NOMO1: variants seen among roughly 807,000 people sequenced by gnomAD.
The protein encoded by NOMO1 is NODAL modulator 1.
NOMO1 carries 40 observed loss-of-function variants against 133.8 expected under a neutral mutation model. The ratio of observed to expected loss-of-function variants is 0.30; its 90% confidence interval spans 0.23 to 0.39. The LOEUF is 0.39. NOMO1 is among the 10% of genes least tolerant of loss of function. The pLI, the probability that NOMO1 is intolerant of heterozygous loss-of-function variation, is 1.00. For missense variants in NOMO1, 462 were observed against 1,419.9 expected (o/e 0.33, Z 10.84); for synonymous variants, 236 against 570.5 (o/e 0.41, Z 8.36).
At chr16:14,839,108 G>A (rs1361749345) in intron 2 of NOMO1, among the ~76,000 whole-genome samples, 2 of 151,374 alleles carry the variant, frequency 1.3e-5, no homozygotes, top group African/African-American at 2.4e-5. Context: ...AGGCTGGAGT[G>A]CAGTGGTGTG....
intron 26 of NOMO1, among the ~76,000 whole-genome samples, chr16:14,883,612 A>G (rs1252372905): frequency 6.6e-6 from 1 of 151,614 alleles, no homozygotes; most frequent in Non-Finnish European, 1.5e-5. Context: ...GATTACAGGC[A>G]TGAGCCACCG....
intron 26 of NOMO1, among the ~76,000 whole-genome samples, chr16:14,883,650 C>T (rs1282486686): frequency 1.3e-5 from 2 of 151,272 alleles, no homozygotes; most frequent in Non-Finnish European, 2.9e-5. Flanking sequence ...ATTTCCTTGA[C>T]GTCTTTACGG....
chr16:14,837,414 G>GA (rs201655825), intron 1 of NOMO1, among the ~76,000 whole-genome samples: 3,674 of 152,002 alleles, frequency 0.024, 2 homozygotes, highest in African/African-American at 0.084. Context: ...GTCTACATCT[G>GA]AAGAAACCGA....
intron 4 of NOMO1, among the ~76,000 whole-genome samples, chr16:14,845,125 G>T (rs1348873863): frequency 6.6e-6 from 1 of 151,764 alleles, no homozygotes; most frequent in Non-Finnish European, 1.5e-5. Flanking sequence ...AGGTTCAAGT[G>T]ATTCTCCTGC....
intron 15 of NOMO1, among the ~76,000 whole-genome samples, chr16:14,868,307 A>G (rs1038148645): frequency 6.7e-5 from 8 of 118,710 alleles, no homozygotes; most frequent in Non-Finnish European, 1.4e-4. Flanking sequence ...CATGGTCATG[A>G]CTCCCAAGGC....
chr16:14,837,041 A>AG (rs1164643324), intron 1 of NOMO1, among the ~76,000 whole-genome samples: 5 of 151,710 alleles, frequency 3.3e-5, no homozygotes, highest in African/African-American at 1.2e-4. Flanking sequence ...ATTTTGAGGC[A>AG]GGGTCTCACA....
In NOMO1 at chr16:14,849,519, C is replaced by T. The variant is rs1461138174; in HGVS notation, c.582+548C>T. The stretch of plus-strand genomic sequence containing the variant: ...AGAGCTACATATATCAATGTAACTA[C>T]ATTTAAAAACAGAGTTGAAGGAAAT... On this transcript the variant is annotated intron_variant, in intron 6 of 30. Transcript: ENST00000287667. Among the ~76,000 whole-genome samples the T allele has an allele frequency of 1.4e-4, 12 of 84,278 alleles. 1 individual carries two copies. In the South Asian group the frequency reaches 5.7e-3, roughly 40 times the overall value. The allele number at this position is 84,278 out of a possible 152,430, so 55.3% of individuals were successfully genotyped here. A position where few individuals can be genotyped will look rare whatever the true frequency, so the allele number is the denominator to read the frequency against.
At position 14,857,538 on chromosome 16, in the gene NOMO1, A is replaced by C. The variant is rs1243491546; in HGVS notation, c.1103A>C (p.Glu368Ala). ...AAAGCTGATGGCTCATTCCGCCTTG[A>C]GAACATAACCACAGGGACATACACC... Reference protein sequence around the residue: ...KTKADGSFRLENITTGTYTIH... With the variant: ...KTKADGSFRLANITTGTYTIH... The change falls in exon 11 of 31, where the codon GAG becomes GCG. Residue 368 changes from glutamate (E) to alanine (A), a missense_variant. Physicochemically the swap from Glu to Ala is moderately radical, Grantham distance 107 (BLOSUM62 -1). Coordinates refer to ENST00000287667, the MANE Select transcript of NOMO1 (RefSeq NM_014287.4). 6.2e-7 allele frequency: 1 copy of C among 1,610,588 alleles called. No individual in the cohort carries two copies. Among genetic ancestry groups the C allele is most frequent in the African/African-American group, 1.4e-5 (1 of 73,970 alleles).
Position 14,895,514 on chromosome 16 carries a change from C to G in NOMO1, c.3538C>G (p.Leu1180Val), listed in dbSNP as rs1215915065. Reference sequence around the variant, plus strand: ...CTCTCACACTTTCTCTCTTTTCTAGCTCATTCCTTTGCTGCTGCAGTTGAC... The same window carrying G: ...CTCTCACACTTTCTCTCTTTTCTAGGTCATTCCTTTGCTGCTGCAGTTGAC... ...VLLAGYNHDK[L>V]IPLLLQLTSR... Residue 1180 changes from leucine (L) to valine (V), a missense_variant and splice_region_variant, in exon 31 of 31, where the codon CTC (leucine) becomes GTC (valine). Leu to Val is a conservative substitution (Grantham distance 32, BLOSUM62 1). Transcript: ENST00000287667. 1 of 1,611,788 alleles carries G rather than the reference C, an allele frequency of 6.2e-7. No homozygotes were observed. The highest frequency in any genetic ancestry group is 8.5e-7 in the Non-Finnish European group (1 of 1,179,878).
At position 14,864,669 on chromosome 16, in the gene NOMO1, A is replaced by G. The variant is rs1224260590; in HGVS notation, c.1480A>G (p.Met494Val). Residue 494 changes from methionine to valine, a missense_variant, in exon 13 of 31, where the codon ATG becomes GTG. By Grantham distance (21) the Met-to-Val change is conservative. Transcript: ENST00000287667. ...TCTTACTGTGACCAACAGGCCCATGATGGATGTGGCCTTTGTACAGTTCTT... is the reference window on the plus strand; with the variant it reads ...TCTTACTGTGACCAACAGGCCCATGGTGGATGTGGCCTTTGTACAGTTCTT... Reference protein sequence around the residue: ...FPLTVTNRPMMDVAFVQFLAS... With the variant: ...FPLTVTNRPMVDVAFVQFLAS... The G allele has an allele frequency of 1.9e-6, 3 of 1,612,846 alleles. No homozygotes were observed. The highest frequency in any genetic ancestry group is 2.5e-6 in the Non-Finnish European group (3 of 1,179,668).
chr16:14,886,643 C>T (rs1399295127), intron 27 of NOMO1, 118 bp from the exon 28 acceptor site: 1 of 1,542,710 alleles, frequency 6.5e-7, no homozygotes, highest in Non-Finnish European at 8.9e-7. Context: ...CTTTCTTTTT[C>T]AAATATCCAT....
chr16:14,853,904 G>T (rs1213768102), intron 8 of NOMO1, 33 bp from the exon 9 acceptor site: 3 of 1,610,882 alleles, frequency 1.9e-6, no homozygotes, highest in Non-Finnish European at 1.7e-6. Flanking sequence ...TCATGTTAGT[G>T]GTTCTTAGTG....
intron 11 of NOMO1, among the ~76,000 whole-genome samples, chr16:14,859,605 A>G (rs948107481): frequency 9.2e-5 from 14 of 152,026 alleles, no homozygotes; most frequent in African/African-American, 2.7e-4. Context: ...GATTGAGCCC[A>G]GGAGTTTGAG....
intron 14 of NOMO1, among the ~76,000 whole-genome samples, chr16:14,865,681 CA>C (rs1963984525): frequency 7.4e-6 from 1 of 134,368 alleles, no homozygotes; most frequent in Admixed American, 7.5e-5. Flanking sequence ...CTTAAGAAGC[CA>C]CTTCTTGCCT....
intron 29 of NOMO1, among the ~76,000 whole-genome samples, chr16:14,892,797 A>G (rs1293738617): frequency 4.0e-5 from 6 of 149,888 alleles, no homozygotes. Context: ...AGATTGAGTC[A>G]CTTACTGAGT....
rs1371329631 is a variant in NOMO1, at chr16:14,864,665, C to T, written c.1476C>T (p.Pro492=). The change falls in exon 13 of 31, where the codon CCC becomes CCT. Residue 492 remains proline, a synonymous_variant. Transcript: ENST00000287667. ...TTCCTCTTACTGTGACCAACAGGCC[C>T]ATGATGGATGTGGCCTTTGTACAGT... ...QTFPLTVTNR[P]MMDVAFVQFL... 2.6e-5 allele frequency: 42 copies of T among 1,611,820 alleles called. No homozygotes were observed. In the African/African-American group the frequency reaches 2.7e-4, roughly 10 times the overall value.
rs904752023 is a variant in NOMO1 at position 14,846,360 on chromosome 16, T to A, written c.403-217T>A. Reference sequence around the variant, plus strand: ...AATGGTGAATCTATAACTGATGATGTCTTAGATTCATTGAAATAGAGTCTT... The same window carrying A: ...AATGGTGAATCTATAACTGATGATGACTTAGATTCATTGAAATAGAGTCTT... On this transcript the variant is annotated intron_variant, in intron 4 of 30. Transcript: ENST00000287667. Among the ~76,000 whole-genome samples, 3 of 149,754 alleles carry A rather than the reference T, an allele frequency of 2.0e-5. 1 individual carries two copies. Among genetic ancestry groups the A allele is most frequent in the African/African-American group, 7.6e-5 (3 of 39,536 alleles).
intron 11 of NOMO1, among the ~76,000 whole-genome samples, chr16:14,858,611 C>A (rs1185530721): frequency 6.6e-6 from 1 of 152,062 alleles, no homozygotes; most frequent in African/African-American, 2.4e-5. Context: ...CTGGGTGCTA[C>A]TGAAGCAGAA....
In NOMO1 at chr16:14,878,810, C is replaced by T. The variant is rs141545029; in HGVS notation, c.2733C>T (p.Asn911=). ...GTTCCAACCTCTTGACCCAGGACAA[C>T]GGCATTCTGACATTCTCAAACCTGG... is the stretch of plus-strand genomic sequence containing the variant. ...LFRSNLLTQD[N]GILTFSNLSP... is the part of the protein sequence containing the mutation. Residue 911 remains asparagine (N), a synonymous_variant, in exon 23 of 31, where the codon AAC becomes AAT. Coordinates refer to ENST00000287667, the MANE Select transcript of NOMO1 (RefSeq NM_014287.4). The T allele has an allele frequency of 3.2e-5, 51 of 1,611,836 alleles. No individual in the cohort carries two copies. The highest frequency in any genetic ancestry group is 4.5e-4 in the Middle Eastern group (2 of 4,432).
Sources: allele counts gnomAD v4.1 joint callset (sites outside exome capture counted in the v4.1 genomes callset), GRCh38; gene constraint gnomAD v4.1.1; transcripts MANE v1.5; gene names NCBI Gene and HGNC (gene_info 2026-07-23, HGNC 2026-07-21).